Variants in MROH7 observed in about 807,000 individuals in gnomAD.
The protein encoded by MROH7 is maestro heat-like repeat-containing protein family member 7.
Under a neutral mutation model 129.2 loss-of-function variants are expected in MROH7, and 113 were observed. The ratio of observed to expected loss-of-function variants is 0.87; its 90% confidence interval spans 0.75 to 1.02. The LOEUF is 1.02. Among genes scored for constraint, MROH7 ranks in the 50% least tolerant of loss-of-function variants. The pLI is 0.00. For synonymous variants in MROH7, 655 were observed against 667.9 expected (o/e 0.98, Z 0.30); for missense variants, 1,601 against 1,671.3 (o/e 0.96, Z 0.73).
chr1:54,702,585 G>A (rs1443733215), intron 20 of MROH7, 38 bp from the exon 21 acceptor site: 2 of 1,512,126 alleles, frequency 1.3e-6, no homozygotes, highest in South Asian at 1.4e-5. Context: ...TAGTCTGGCT[G>A]TCCACAGTTC....
chr1:54,659,006 C>T, intron 3 of MROH7: 1 of 324,342 alleles, frequency 3.1e-6, no homozygotes, highest in Non-Finnish European at 6.0e-6. Flanking sequence ...TTCTGATTTG[C>T]ATCACCATAG....
chr1:54,665,191 G>A lies in MROH7; in HGVS notation c.1256G>A (p.Cys419Tyr). The change falls in exon 4 of 24, where the codon TGC becomes TAC. Residue 419 changes from cysteine to tyrosine, a missense_variant. Transcript: ENST00000421030. ...GGAGCCTTTGATGAAGTGACCTCAT[G>A]CCTGGTGAAGGTGCCAGAGAAGACA... is the stretch of plus-strand genomic sequence containing the variant. ...PEGAFDEVTS[C>Y]LVKVPEKTEG... is the part of the protein sequence containing the mutation. 1 of 1,613,900 alleles carries A rather than the reference G, an allele frequency of 6.2e-7. No homozygotes were observed.
At chr1:54,671,215 G>A (rs563438416) in intron 7 of MROH7, among the ~76,000 whole-genome samples, 4 of 150,950 alleles carry the variant, frequency 2.6e-5, no homozygotes, top group South Asian at 4.2e-4. Flanking sequence ...GTGAATCCCC[G>A]TCTCTACTGA....
At chr1:54,644,578 G>A (rs1376232963) in intron 1 of MROH7, among the ~76,000 whole-genome samples, 2 of 151,928 alleles carry the variant, frequency 1.3e-5, no homozygotes, top group East Asian at 3.9e-4. Context: ...CCTAACCTCA[G>A]GTGATCTGCC....
intron 14 of MROH7, among the ~76,000 whole-genome samples, chr1:54,685,042 T>C (rs1645126637): frequency 6.6e-6 from 1 of 151,750 alleles, no homozygotes; most frequent in Non-Finnish European, 1.5e-5. Flanking sequence ...GACTGAGTCT[T>C]GCTCTATCAC....
chr1:54,673,744 C>T lies in MROH7; in HGVS notation c.1739C>T (p.Ala580Val), dbSNP rs1442937582. The change falls in exon 9 of 24, where the codon GCA becomes GTA. Residue 580 changes from alanine (A) to valine (V), a missense_variant. By Grantham distance (64) the Ala-to-Val change is moderately conservative (BLOSUM62 0). Transcript: ENST00000421030. ...WMNSGKAHER[A>V]RAVNTNVSVL... The stretch of plus-strand genomic sequence containing the variant: ...AACTCTGGGAAGGCCCATGAGCGAG[C>T]ACGGGCTGTGAACACCAATGTCTCT... The T allele has an allele frequency of 4.3e-6, 7 of 1,614,042 alleles. No individual in the cohort carries two copies. Among genetic ancestry groups the T allele is most frequent in the African/African-American group, 1.3e-5 (1 of 74,950 alleles).
At chr1:54,658,250 T>G (rs975631795) in intron 3 of MROH7, among the ~76,000 whole-genome samples, 4 of 152,230 alleles carry the variant, frequency 2.6e-5, no homozygotes, top group African/African-American at 9.6e-5. Context: ...CTTTCCCCAG[T>G]GAATGTTCTT....
At chr1:54,664,942 T>C (rs114537944) in intron 3 of MROH7, among the ~76,000 whole-genome samples, 1 of 152,004 alleles carries the variant, frequency 6.6e-6, no homozygotes, top group Non-Finnish European at 1.5e-5. Context: ...AACCCGGAAG[T>C]TGAAGTTTGC....
At chr1:54,674,637 C>A (rs187461720) in intron 10 of MROH7, among the ~76,000 whole-genome samples, 19 of 152,268 alleles carry the variant, frequency 1.2e-4, no homozygotes, top group African/African-American at 4.3e-4. Context: ...GTCTTAGAAT[C>A]CAGAGCAGCT....
intron 3 of MROH7, among the ~76,000 whole-genome samples, chr1:54,658,719 G>T (rs114839259): frequency 2.2e-4 from 33 of 152,180 alleles, no homozygotes; most frequent in African/African-American, 7.9e-4. Flanking sequence ...CCTTCTCCTG[G>T]GGCTAGATTT....
At chr1:54,699,736 G>T in intron 17 of MROH7, 1 of 270,582 alleles carries the variant, frequency 3.7e-6, no homozygotes, top group Non-Finnish European at 7.0e-6. Flanking sequence ...ATCCCCTGTT[G>T]GATAGGGGAG....
chr1:54,691,879 T>TC (rs1401144067), intron 15 of MROH7, among the ~76,000 whole-genome samples: 13 of 90,724 alleles, frequency 1.4e-4, no homozygotes, highest in African/African-American at 4.6e-4. Flanking sequence ...CTCTCTCTCC[T>TC]CCCCCCCACC....
chr1:54,707,273 C>T (rs1051934316), intron 22 of MROH7, among the ~76,000 whole-genome samples: 2 of 152,192 alleles, frequency 1.3e-5, no homozygotes, highest in African/African-American at 4.8e-5. Flanking sequence ...TGCCCTTCAC[C>T]AAGGGCCAGG....
At chr1:54,698,259 G>C (rs1645354099) in intron 17 of MROH7, 1 of 155,258 alleles carries the variant, frequency 6.4e-6, no homozygotes, top group Admixed American at 6.4e-5. Flanking sequence ...ATGATGACTT[G>C]ACCACCTCCT....
At chr1:54,658,701 T>A (rs1158081864) in intron 3 of MROH7, among the ~76,000 whole-genome samples, 1 of 152,146 alleles carries the variant, frequency 6.6e-6, no homozygotes, top group East Asian at 1.9e-4. Context: ...CCCTTTCCAA[T>A]CAATAATCCT....
At chr1:54,644,697 C>T (rs1342794094) in intron 1 of MROH7, among the ~76,000 whole-genome samples, 2 of 151,590 alleles carry the variant, frequency 1.3e-5, no homozygotes, top group Admixed American at 6.6e-5. Context: ...AAATGAGGTC[C>T]CACTGTGTTG....
intron 6 of MROH7, 77 bp from the exon 7 acceptor site, chr1:54,670,723 C>A: frequency 7.0e-7 from 1 of 1,418,708 alleles, no homozygotes; most frequent in Non-Finnish European, 9.4e-7. Context: ...AGTCCCTGTG[C>A]TCCTCAGCTC....
chr1:54,659,508 G>A (rs1046536330), intron 3 of MROH7, among the ~76,000 whole-genome samples: 1 of 150,070 alleles, frequency 6.7e-6, no homozygotes, highest in African/African-American at 2.5e-5. Flanking sequence ...AGGCTGGAGT[G>A]CAATGGCATG....
intron 13 of MROH7, among the ~76,000 whole-genome samples, chr1:54,682,258 G>A (rs1171161119): frequency 1.3e-5 from 2 of 150,870 alleles, no homozygotes; most frequent in African/African-American, 2.4e-5. Context: ...TCTGCCTCCC[G>A]GGTTCAAGCG....
Sources: allele counts gnomAD v4.1 joint callset (sites outside exome capture counted in the v4.1 genomes callset), GRCh38; gene constraint gnomAD v4.1.1; transcripts MANE v1.5; gene names NCBI Gene and HGNC (gene_info 2026-07-23, HGNC 2026-07-21).